PRPF4: variants seen among roughly 807,000 people sequenced by gnomAD.
PRPF4 encodes pre-mRNA splicing tri-snRNP complex factor PRPF4.
A neutral mutation model predicts 72.2 loss-of-function variants in PRPF4; 14 were observed. That is an observed-to-expected ratio of 0.19 (90% CI 0.13 to 0.30). PRPF4 has a LOEUF of 0.30. Ranked by LOEUF, PRPF4 falls within the 10% of genes least tolerant of loss-of-function variation. The pLI is 1.00. For missense variants in PRPF4, 478 were observed against 653.9 expected, an observed-to-expected ratio of 0.73 and a Z score of 2.93; for synonymous variants, 225 against 232.2, an observed-to-expected ratio of 0.97 and a Z score of 0.28.
intron 10 of PRPF4, 113 bp downstream of exon 10, chr9:113,288,377 T>G (rs1428224707): frequency 1.1e-6 from 1 of 940,834 alleles, no homozygotes; most frequent in East Asian, 2.7e-5. Context: ...AGGATTTTCT[T>G]GGGCTGCAGG....
intron 3 of PRPF4, 22 bp from the exon 4 acceptor site, chr9:113,282,624 T>A: frequency 7.0e-7 from 1 of 1,436,672 alleles, no homozygotes; most frequent in Non-Finnish European, 9.6e-7. Context: ...TAAATTCTGA[T>A]CTTTTTTTTT....
At chr9:113,280,814 C>T (rs76717075) in intron 3 of PRPF4, among the ~76,000 whole-genome samples, 1,799 of 152,232 alleles carry the variant, frequency 0.012, 21 homozygotes, top group Admixed American at 0.019. Context: ...TTTTATTCTT[C>T]TGTCTTGTCT....
chr9:113,275,701 A>G lies in PRPF4; in HGVS notation c.-43A>G. 1 of 1,601,452 alleles carries G rather than the reference A, an allele frequency of 6.2e-7. No individual in the cohort carries two copies. The highest frequency in any genetic ancestry group is 8.5e-7 in the Non-Finnish European group (1 of 1,173,976). ...GCGCGCGGTGGACGGTCTGAAAGGG[A>G]GTGTTCGGGTTTCGCTGGGGCCTCG... On this transcript the variant is annotated 5_prime_UTR_variant, in exon 1 of 14. Transcript: ENST00000374198.
chr9:113,282,942 A>G (rs904794010), intron 4 of PRPF4, 190 bp from the exon 5 acceptor site: 4 of 1,166,868 alleles, frequency 3.4e-6, no homozygotes, highest in Admixed American at 2.8e-5. Flanking sequence ...GGAAAGAATC[A>G]TGGCATTCCT....
chr9:113,282,477 G>GA (rs111996992), intron 3 of PRPF4, among the ~76,000 whole-genome samples, 169 bp from the exon 4 acceptor site: 90,385 of 148,694 alleles, frequency 0.61, 27,404 homozygotes, highest in South Asian at 0.73. Context: ...CTCTTAAAAA[G>GA]AAAAAAAAAA....
chr9:113,279,270 A>C lies in PRPF4; in HGVS notation c.392+139A>C, dbSNP rs551914117. 7.5e-6 allele frequency: 6 copies of C among 798,232 alleles called. No homozygotes were observed. The African/African-American group carries it at 8.7e-5, about 12-fold the overall frequency. 49.4% of individuals were successfully genotyped at this position (798,232 alleles called of 1,614,324 possible). ...ATATCTTACTGTGTTTATATGAGTT[A>C]GCCCATAATCTGTCTTAGGCCAATT... On this transcript the variant is annotated intron_variant, in intron 3 of 13. Transcript: ENST00000374198.
intron 8 of PRPF4, 85 bp from the exon 9 acceptor site, chr9:113,286,620 C>T: frequency 6.7e-7 from 1 of 1,499,546 alleles, no homozygotes. Flanking sequence ...CTTGAATACT[C>T]TGTATGTCCA....
At chr9:113,276,407 C>T in intron 1 of PRPF4, 141 bp from the exon 2 acceptor site, 4 of 839,548 alleles carry the variant, frequency 4.8e-6, no homozygotes, top group Non-Finnish European at 7.6e-6. Flanking sequence ...CAATGAAGAG[C>T]GTCTTAAGTA....
intron 3 of PRPF4, among the ~76,000 whole-genome samples, chr9:113,279,926 T>TCTAGTCA (rs1302052939): frequency 6.6e-6 from 1 of 152,182 alleles, no homozygotes; most frequent in African/African-American, 2.4e-5. Context: ...TTAGTTGTGG[T>TCTAGTCA]CTAGTCACAC....
intron 3 of PRPF4, among the ~76,000 whole-genome samples, chr9:113,281,017 T>A (rs1431381690): frequency 6.6e-6 from 1 of 152,102 alleles, no homozygotes; most frequent in African/African-American, 2.4e-5. Flanking sequence ...ATTTCTGTAT[T>A]TTTAGTAGAG....
intron 3 of PRPF4, among the ~76,000 whole-genome samples, chr9:113,281,030 G>T (rs909401036): frequency 1.3e-5 from 2 of 152,016 alleles, no homozygotes; most frequent in East Asian, 3.9e-4. Flanking sequence ...TAGTAGAGAC[G>T]GGGTTTCAAC....
At position 113,291,862 on chromosome 9, in the gene PRPF4, T is replaced by C; in HGVS notation, c.*202T>C. The C allele has an allele frequency of 1.8e-6, 1 of 548,430 alleles. No homozygotes were observed. The highest frequency in any genetic ancestry group is 3.1e-5 in the East Asian group (1 of 32,162). The allele number at this position is 548,430 out of a possible 1,614,324, so 34.0% of individuals were successfully genotyped here. On this transcript the variant is annotated 3_prime_UTR_variant, in exon 14 of 14. Coordinates refer to ENST00000374198, the MANE Select transcript of PRPF4 (RefSeq NM_001244926.2). ...GGTGATGGGGAACCCCTCTCACGGT[T>C]GAAAATTTATTACCTTTTTACGCCC...
chr9:113,275,715 G>T lies in PRPF4; in HGVS notation c.-29G>T, dbSNP rs762010635. 1.2e-6 allele frequency: 2 copies of T among 1,607,184 alleles called. No individual in the cohort carries two copies. Among genetic ancestry groups the T allele is most frequent in the South Asian group, 2.2e-5 (2 of 90,570 alleles). On this transcript the variant is annotated 5_prime_UTR_variant, in exon 1 of 14. Transcript: ENST00000374198. ...GTCTGAAAGGGAGTGTTCGGGTTTC[G>T]CTGGGGCCTCGCGGCTCCAGAGCCC...
chr9:113,291,389 T>C (rs1446935792), intron 13 of PRPF4, 78 bp from the exon 14 acceptor site: 13 of 1,412,514 alleles, frequency 9.2e-6, no homozygotes, highest in Non-Finnish European at 1.2e-5. Flanking sequence ...ATAGTATGTT[T>C]TTGCAGACTT....
intron 4 of PRPF4, 94 bp downstream of exon 4, chr9:113,282,827 T>A (rs1202183912): frequency 1.0e-5 from 12 of 1,153,910 alleles, no homozygotes; most frequent in Non-Finnish European, 1.2e-5. Flanking sequence ...TTTGCTGAGA[T>A]GTTGGGGGAA....
chr9:113,290,646 C>T (rs947586503), intron 11 of PRPF4, 54 bp from the exon 12 acceptor site: 1 of 1,613,974 alleles, frequency 6.2e-7, no homozygotes, highest in African/African-American at 1.3e-5. Flanking sequence ...TTACCTATAC[C>T]TGCTTCCACA....
intron 9 of PRPF4, among the ~76,000 whole-genome samples, chr9:113,287,811 TGG>T (rs1832493247): frequency 6.6e-6 from 1 of 152,246 alleles, no homozygotes; most frequent in Admixed American, 6.5e-5. Context: ...TGGTGGTTGC[TGG>T]GTAGCAGAAT....
rs553289905 is a variant in PRPF4, at chr9:113,287,016, A to C, written c.932+188A>C. On this transcript the variant is annotated intron_variant, in intron 9 of 13. Transcript: ENST00000374198. ...GTGGTGAGCCGAGATTGCACACTGCACTCCAGCTTGGGTGACAGAGCAAGA... is the reference window on the plus strand; with the variant it reads ...GTGGTGAGCCGAGATTGCACACTGCCCTCCAGCTTGGGTGACAGAGCAAGA... 5.1e-4 allele frequency among the ~76,000 whole-genome samples: 77 copies of C among 152,146 alleles called. 1 individual carries two copies. Among genetic ancestry groups the C allele is most frequent in the African/African-American group, 1.7e-3 (72 of 41,500 alleles).
At chr9:113,277,386 TTGTG>T (rs71367710) in intron 2 of PRPF4, among the ~76,000 whole-genome samples, 9 of 150,082 alleles carry the variant, frequency 6.0e-5, no homozygotes, top group African/African-American at 2.2e-4. Context: ...TGAAATCTTT[TTGTG>T]TGTGTGTGTG....
Sources: allele counts gnomAD v4.1 joint callset (sites outside exome capture counted in the v4.1 genomes callset), GRCh38; gene constraint gnomAD v4.1.1; transcripts MANE v1.5; gene names NCBI Gene and HGNC (gene_info 2026-07-23, HGNC 2026-07-21).